The following DNAH6 variants were observed in gnomAD, a reference collection of about 807,000 sequenced individuals.
DNAH6 encodes the protein axonemal beta dynein heavy chain 6.
A neutral mutation model predicts 491.4 loss-of-function variants in DNAH6; 340 were observed. That is an observed-to-expected ratio of 0.69 (90% CI 0.63 to 0.76). The LOEUF (loss-of-function observed/expected upper bound fraction) is 0.76. Ranked by LOEUF, DNAH6 falls within the 30% of genes least tolerant of loss-of-function variation. The pLI, the probability that DNAH6 is intolerant of heterozygous loss-of-function variation, is 0.00. For missense variants in DNAH6, 4,443 were observed against 4,972.2 expected, an observed-to-expected ratio of 0.89 and a Z score of 3.20; for synonymous variants, 1,603 against 1,686.1, an observed-to-expected ratio of 0.95 and a Z score of 1.21.
intron 13 of DNAH6, among the ~76,000 whole-genome samples, chr2:84,579,034 C>G (rs1188267317): frequency 1.3e-5 from 2 of 152,196 alleles, no homozygotes; most frequent in African/African-American, 4.8e-5. Flanking sequence ...GTCAATTAAA[C>G]TTGTTTCCTT....
Position 84,688,499 on chromosome 2 carries a change from A to G in DNAH6, c.7198A>G (p.Asn2400Asp), listed in dbSNP as rs1298133186. The G allele has an allele frequency of 1.3e-6, 2 of 1,541,214 alleles. No homozygotes were observed. Among genetic ancestry groups the G allele is most frequent in the South Asian group, 1.2e-5 (1 of 81,034 alleles). Residue 2400 changes from asparagine to aspartate, a missense_variant, in exon 45 of 77, where the codon AAT becomes GAT. Physicochemically the swap from Asn to Asp is conservative, Grantham distance 23. This residue lies in a region of DNAH6 where 2,977 missense variants were observed against 3,296.6 expected (regional missense o/e 0.90). Coordinates refer to ENST00000389394, the MANE Select transcript of DNAH6 (RefSeq NM_001370.2). ...DDMPDIEKTA[N>D]VLQDYLDDYN... is the part of the protein sequence containing the mutation. ...CATGCCTGATATAGAGAAAACTGCA[A>G]ATGTTCTACAGGACTATCTTGATGA...
chr2:84,513,490 A>C (rs1675411294), upstream of DNAH6, among the ~76,000 whole-genome samples: 1 of 152,096 alleles, frequency 6.6e-6, no homozygotes, highest in African/African-American at 2.4e-5. Flanking sequence ...CATTTTTGCT[A>C]ATGTTATTCC....
intron 33 of DNAH6, among the ~76,000 whole-genome samples, chr2:84,647,582 T>G (rs554740229): frequency 9.2e-5 from 14 of 152,326 alleles, no homozygotes; most frequent in African/African-American, 3.4e-4. Flanking sequence ...CTAAATCTAC[T>G]CTACCTGTGC....
intron 62 of DNAH6, among the ~76,000 whole-genome samples, chr2:84,735,301 A>G (rs1699448580): frequency 6.6e-6 from 1 of 152,152 alleles, no homozygotes; most frequent in African/African-American, 2.4e-5. Context: ...TTCACTGTTG[A>G]TGGGCACCTA....
chr2:84,597,495 A>T (rs774310142), intron 18 of DNAH6, among the ~76,000 whole-genome samples: 121 of 152,322 alleles, frequency 7.9e-4, no homozygotes, highest in Non-Finnish European at 9.0e-4. Context: ...TAGAACTTCC[A>T]CATGTTGCTG....
At chr2:84,554,379 G>C (rs1183450416) in intron 10 of DNAH6, among the ~76,000 whole-genome samples, 1 of 152,138 alleles carries the variant, frequency 6.6e-6, no homozygotes, top group Non-Finnish European at 1.5e-5. Context: ...TATGTACACA[G>C]GGGCAGGAAT....
intron 36 of DNAH6, among the ~76,000 whole-genome samples, 174 bp downstream of exon 36, chr2:84,658,648 G>A (rs1205088241): frequency 6.6e-6 from 1 of 152,046 alleles, no homozygotes; most frequent in Non-Finnish European, 1.5e-5. Flanking sequence ...AGTAATGTTA[G>A]CATGTATAGT....
At chr2:84,580,324 A>C (rs200865298) in intron 14 of DNAH6, among the ~76,000 whole-genome samples, 1 of 7,732 alleles carries the variant, frequency 1.3e-4, no homozygotes, top group Non-Finnish European at 2.4e-3. Flanking sequence ...ACGCACACAC[A>C]CACACACACA....
intron 18 of DNAH6, among the ~76,000 whole-genome samples, chr2:84,603,211 A>G (rs1685432683): frequency 6.6e-6 from 1 of 151,974 alleles, no homozygotes; most frequent in Admixed American, 6.6e-5. Context: ...CAAAGCAAAT[A>G]ATATTTGTGC....
intron 18 of DNAH6, among the ~76,000 whole-genome samples, chr2:84,599,904 A>G (rs1233297211): frequency 6.6e-6 from 1 of 152,198 alleles, no homozygotes; most frequent in Non-Finnish European, 1.5e-5. Context: ...AAACTGTCTT[A>G]TGGTCCAAAA....
chr2:84,808,665 A>C, intron 72 of DNAH6, 123 bp downstream of exon 72: 1 of 926,510 alleles, frequency 1.1e-6, no homozygotes, highest in Non-Finnish European at 1.6e-6. Context: ...ACAACTCTTC[A>C]AGCCCAATGA....
chr2:84,625,171 G>A, intron 29 of DNAH6, 108 bp downstream of exon 29: 1 of 1,030,642 alleles, frequency 9.7e-7, no homozygotes, highest in Non-Finnish European at 1.3e-6. Context: ...ACAAGCAAGA[G>A]AAAAGAAATG....
At chr2:84,518,687 T>C (rs1467448039) in intron 2 of DNAH6, among the ~76,000 whole-genome samples, 1 of 152,208 alleles carries the variant, frequency 6.6e-6, no homozygotes. Flanking sequence ...TACTCATGTA[T>C]ATTAAAAGTT....
At chr2:84,500,195 AT>A in the DNAH6 span, among the ~76,000 whole-genome samples, 1 of 151,968 alleles carries the variant, frequency 6.6e-6, no homozygotes, top group Non-Finnish European at 1.5e-5. Context: ...ATCCATTTTT[AT>A]TTGATTTTTG....
chr2:84,580,316 G>GCGCACA (rs1280178784), intron 14 of DNAH6, among the ~76,000 whole-genome samples: 2 of 149,174 alleles, frequency 1.3e-5, no homozygotes, highest in African/African-American at 5.0e-5. Context: ...ACATACACAC[G>GCGCACA]CACACACACA....
chr2:84,761,888 T>C (rs1015040953), intron 63 of DNAH6, among the ~76,000 whole-genome samples: 2 of 152,036 alleles, frequency 1.3e-5, no homozygotes, highest in Admixed American at 1.3e-4. Flanking sequence ...GGGCTGCTGT[T>C]AACAGTTATG....
chr2:84,773,580 C>T (rs1160701035), intron 64 of DNAH6, among the ~76,000 whole-genome samples: 1 of 151,984 alleles, frequency 6.6e-6, no homozygotes, highest in Non-Finnish European at 1.5e-5. Context: ...TGGATATATA[C>T]CCATTAATGG....
At chr2:84,800,387 C>G (rs1281280870) in intron 70 of DNAH6, among the ~76,000 whole-genome samples, 1 of 152,142 alleles carries the variant, frequency 6.6e-6, no homozygotes, top group East Asian at 1.9e-4. Flanking sequence ...CACACTAGTT[C>G]CCTAGCAATG....
intron 45 of DNAH6, among the ~76,000 whole-genome samples, chr2:84,690,125 C>A (rs1399223957): frequency 6.6e-6 from 1 of 152,136 alleles, no homozygotes; most frequent in East Asian, 1.9e-4. Flanking sequence ...GTAGGATTTC[C>A]CATGGTCTAC....
Sources: gnomAD v4.1 joint callset for allele counts (sites outside exome capture counted in the v4.1 genomes callset) on GRCh38, gnomAD v4.1.1 for gene constraint, gnomAD v4.1.1 regional missense constraint, MANE v1.5 for transcripts, NCBI Gene and HGNC (gene_info 2026-07-23, HGNC 2026-07-21) for gene names.